The following SETBP1 variants were observed in gnomAD, a reference collection of about 807,000 sequenced individuals.
SETBP1 encodes SET-binding protein.
SETBP1 carries 9 observed loss-of-function variants against 101.0 expected under a neutral mutation model. The ratio of observed to expected loss-of-function variants is 0.09; its 90% CI spans 0.05 to 0.16. The LOEUF is 0.16. Ranked by LOEUF, SETBP1 falls within the 10% of genes least tolerant of loss-of-function variation. The pLI is 1.00. For synonymous variants in SETBP1, 818 were observed against 788.5 expected (o/e 1.04, Z -0.63); for missense variants, 1,858 against 2,033.8 (o/e 0.91, Z 1.66).
chr18:44,997,781 CA>C (rs1316511484), intron 4 of SETBP1, among the ~76,000 whole-genome samples: 2 of 152,122 alleles, frequency 1.3e-5, no homozygotes, highest in Non-Finnish European at 2.9e-5. Context: ...AGCCAATCAG[CA>C]CTAATTAGGA....
chr18:44,720,672 G>A (rs1434726715), intron 2 of SETBP1, among the ~76,000 whole-genome samples: 2 of 152,194 alleles, frequency 1.3e-5, no homozygotes, highest in East Asian at 3.9e-4. Flanking sequence ...AGGGATGGAG[G>A]AAGAAGCTTG....
At chr18:44,993,906 T>C (rs574433368) in intron 4 of SETBP1, among the ~76,000 whole-genome samples, 1 of 152,180 alleles carries the variant, frequency 6.6e-6, no homozygotes, top group South Asian at 2.1e-4. Flanking sequence ...ACTGTGATAG[T>C]TGAAACTTTG....
At chr18:44,856,393 G>A (rs1339349781) in intron 2 of SETBP1, among the ~76,000 whole-genome samples, 2 of 152,164 alleles carry the variant, frequency 1.3e-5, no homozygotes, top group Non-Finnish European at 2.9e-5. Context: ...GCAAGTCACT[G>A]CCCGATTTTT....
At chr18:44,975,144 T>C (rs183764488) in intron 4 of SETBP1, among the ~76,000 whole-genome samples, 7 of 152,234 alleles carry the variant, frequency 4.6e-5, no homozygotes, top group African/African-American at 1.7e-4. Flanking sequence ...TCCGTTTTAA[T>C]GTTCGCACTT....
chr18:44,869,156 C>A, intron 2 of SETBP1, 74 bp from the exon 3 acceptor site: 5 of 1,309,678 alleles, frequency 3.8e-6, no homozygotes, highest in Non-Finnish European at 5.5e-6. Flanking sequence ...AAGTCCATTG[C>A]TGGTCAGTTG....
rs542934867 is a variant in SETBP1, at chr18:44,772,786, G to A, written c.486+70954G>A. The stretch of plus-strand genomic sequence containing the variant: ...ATGGGATTCGTGGGGAACATTCTGA[G>A]AATTAAATATAGTAATCAATATAGA... On this transcript the variant is annotated intron_variant, in intron 2 of 5. Coordinates refer to ENST00000649279, the MANE Select transcript of SETBP1 (RefSeq NM_015559.3). 9.7e-4 allele frequency among the ~76,000 whole-genome samples: 148 copies of A among 152,240 alleles called. 1 individual carries two copies. The highest frequency in any genetic ancestry group is 3.5e-3 in the African/African-American group (144 of 41,548).
intron 3 of SETBP1, among the ~76,000 whole-genome samples, chr18:44,922,751 G>A (rs749314378): frequency 3.9e-5 from 6 of 152,208 alleles, no homozygotes; most frequent in Non-Finnish European, 8.8e-5. Flanking sequence ...TCATCTCTGG[G>A]TGAAGTGTCT....
intron 3 of SETBP1, among the ~76,000 whole-genome samples, chr18:44,878,380 G>A (rs897817855): frequency 3.3e-5 from 5 of 151,442 alleles, no homozygotes; most frequent in African/African-American, 9.7e-5. Flanking sequence ...CTAAAGATGA[G>A]CTTCTTAAAA....
intron 4 of SETBP1, among the ~76,000 whole-genome samples, chr18:44,958,049 C>G (rs571725521): frequency 1.3e-5 from 2 of 152,268 alleles, no homozygotes; most frequent in African/African-American, 4.8e-5. Flanking sequence ...GCTGAAAGAC[C>G]TCTTCTGTTT....
intron 3 of SETBP1, among the ~76,000 whole-genome samples, chr18:44,897,084 A>G (rs1039492878): frequency 1.3e-4 from 19 of 151,848 alleles, no homozygotes; most frequent in Non-Finnish European, 2.2e-4. Context: ...CTCACTTTTG[A>G]TTTTCTGCCT....
At chr18:44,727,088 A>G (rs568326654) in intron 2 of SETBP1, among the ~76,000 whole-genome samples, 1 of 152,112 alleles carries the variant, frequency 6.6e-6, no homozygotes, top group African/African-American at 2.4e-5. Flanking sequence ...GTCCTTTTCC[A>G]TAATGTTCGT....
chr18:44,879,728 A>T (rs761360166), intron 3 of SETBP1, among the ~76,000 whole-genome samples: 8 of 152,196 alleles, frequency 5.3e-5, no homozygotes, highest in Non-Finnish European at 1.2e-4. Context: ...GAATGGCCCT[A>T]GGAGAGGAAG....
chr18:44,699,168 G>A (rs912128432), intron 1 of SETBP1, among the ~76,000 whole-genome samples: 1 of 152,248 alleles, frequency 6.6e-6, no homozygotes, highest in African/African-American at 2.4e-5. Flanking sequence ...CTCCTGACCT[G>A]GGGAGATTTT....
chr18:44,685,542 C>A (rs2068822961), intron 1 of SETBP1, among the ~76,000 whole-genome samples: 2 of 152,264 alleles, frequency 1.3e-5, no homozygotes, highest in East Asian at 3.9e-4. Context: ...TGGATCGTGT[C>A]CCTGTACTTC....
At chr18:44,926,750 AAACAAACAAACAAACAAC>A (rs1173034917) in intron 3 of SETBP1, among the ~76,000 whole-genome samples, 1 of 70,646 alleles carries the variant, frequency 1.4e-5, no homozygotes, top group Non-Finnish European at 2.8e-5. Flanking sequence ...ATTTAAAAAC[AAACAAACAAACAAACAAC>A]AACAACAACA....
intron 3 of SETBP1, among the ~76,000 whole-genome samples, chr18:44,939,881 A>G (rs1028216401): frequency 1.3e-5 from 2 of 152,170 alleles, no homozygotes; most frequent in African/African-American, 4.8e-5. Flanking sequence ...TGACAAACGT[A>G]TTTTGCAGTT....
chr18:44,978,725 T>A (rs780881133), intron 4 of SETBP1, among the ~76,000 whole-genome samples: 9 of 152,194 alleles, frequency 5.9e-5, no homozygotes, highest in Non-Finnish European at 1.3e-4. Context: ...GACATAGAGA[T>A]GTATGTTTCC....
intron 4 of SETBP1, among the ~76,000 whole-genome samples, chr18:44,967,037 T>C (rs894655104): frequency 3.3e-5 from 5 of 152,224 alleles, no homozygotes; most frequent in African/African-American, 1.2e-4. Context: ...AACAACAGAT[T>C]GGTATAGAAG....
intron 2 of SETBP1, among the ~76,000 whole-genome samples, chr18:44,815,105 C>T (rs2071947949): frequency 1.3e-5 from 2 of 152,202 alleles, no homozygotes; most frequent in African/African-American, 4.8e-5. Context: ...TAAGTGAAGA[C>T]TTGTATTCCT....
Sources: gnomAD v4.1 joint callset for allele counts (sites outside exome capture counted in the v4.1 genomes callset) on GRCh38, gnomAD v4.1.1 for gene constraint, MANE v1.5 for transcripts, NCBI Gene and HGNC (gene_info 2026-07-23, HGNC 2026-07-21) for gene names.